GRID1: variants seen among roughly 807,000 people sequenced by gnomAD.
GRID1 encodes glutamate ionotropic receptor delta type subunit 1.
GRID1 carries 28 observed loss-of-function variants against 98.0 expected under a neutral mutation model. The observed-to-expected ratio is 0.29, with a 90% CI of 0.21 to 0.39. The LOEUF is 0.39. Ranked by LOEUF, GRID1 falls within the 10% of genes least tolerant of loss-of-function variation. The pLI is 1.00. For synonymous variants in GRID1, 553 were observed against 538.5 expected (o/e 1.03, Z -0.37); for missense variants, 1,111 against 1,340.5 (o/e 0.83, Z 2.67).
chr10:85,892,205 TA>T (rs758750476), intron 5 of GRID1, among the ~76,000 whole-genome samples: 977 of 83,406 alleles, frequency 0.012, 7 homozygotes, highest in Middle Eastern at 0.039. Context: ...ATCATGGAGA[TA>T]AAAAAAAAAC....
intron 2 of GRID1, among the ~76,000 whole-genome samples, chr10:86,318,919 A>G (rs191500273): frequency 2.0e-5 from 3 of 152,334 alleles, no homozygotes; most frequent in Non-Finnish European, 2.9e-5. Flanking sequence ...CCAGGTGAGA[A>G]GCTCTATGGA....
intron 3 of GRID1, among the ~76,000 whole-genome samples, chr10:86,187,154 A>C (rs923271209): frequency 3.9e-5 from 6 of 152,000 alleles, no homozygotes; most frequent in Non-Finnish European, 1.5e-5. Context: ...CGGGGCTCAG[A>C]CCTCTTTTGC....
chr10:85,693,340 G>C (rs977365836), intron 12 of GRID1, among the ~76,000 whole-genome samples: 1 of 152,114 alleles, frequency 6.6e-6, no homozygotes, highest in Admixed American at 6.5e-5. Flanking sequence ...AGAACATAGA[G>C]ACTTTTTGTA....
chr10:85,768,785 A>T (rs115501786), intron 8 of GRID1, among the ~76,000 whole-genome samples: 2,213 of 152,342 alleles, frequency 0.015, 57 homozygotes, highest in African/African-American at 0.049. Context: ...TGCATTGTTG[A>T]CAGATATAGA....
intron 2 of GRID1, among the ~76,000 whole-genome samples, chr10:86,258,847 G>A (rs757168425): frequency 9.2e-5 from 14 of 152,184 alleles, no homozygotes; most frequent in Non-Finnish European, 1.9e-4. Flanking sequence ...AAAATGCAGG[G>A]AGAACCCAAT....
chr10:86,273,224 C>T (rs1847212765), intron 2 of GRID1, among the ~76,000 whole-genome samples: 1 of 150,610 alleles, frequency 6.6e-6, no homozygotes, highest in Non-Finnish European at 1.5e-5. Flanking sequence ...CATCCATGTC[C>T]CTACAAAGGA....
chr10:86,111,312 T>G (rs1251297190), intron 4 of GRID1, among the ~76,000 whole-genome samples: 1 of 152,084 alleles, frequency 6.6e-6, no homozygotes, highest in African/African-American at 2.4e-5. Context: ...CATGAGAACA[T>G]AGCAAGCATG....
At chr10:85,971,192 A>G (rs1042032989) in intron 4 of GRID1, among the ~76,000 whole-genome samples, 3 of 152,084 alleles carry the variant, frequency 2.0e-5, no homozygotes, top group African/African-American at 7.2e-5. Flanking sequence ...GGAGTCATTC[A>G]GCTTCAGATC....
intron 2 of GRID1, among the ~76,000 whole-genome samples, chr10:86,263,213 C>T (rs1007452948): frequency 6.6e-6 from 1 of 152,254 alleles, no homozygotes; most frequent in African/African-American, 2.4e-5. Context: ...GACATTACAC[C>T]CCCTGCATTT....
chr10:85,947,042 C>T (rs1053115708), intron 4 of GRID1, among the ~76,000 whole-genome samples: 10 of 152,104 alleles, frequency 6.6e-5, no homozygotes, highest in African/African-American at 1.9e-4. Flanking sequence ...CAGGGCAGTC[C>T]CCACCAGCAC....
chr10:86,356,930 A>G (rs953759881), intron 2 of GRID1, among the ~76,000 whole-genome samples: 4 of 152,192 alleles, frequency 2.6e-5, no homozygotes, highest in African/African-American at 9.6e-5. Flanking sequence ...TATGAGGACA[A>G]AGCTAGAGGA....
intron 8 of GRID1, among the ~76,000 whole-genome samples, chr10:85,840,222 A>C (rs1842949701): frequency 6.6e-6 from 1 of 152,158 alleles, no homozygotes; most frequent in Admixed American, 6.6e-5. Context: ...TAAAAAATTG[A>C]GGAGGAGAAG....
intron 12 of GRID1, among the ~76,000 whole-genome samples, chr10:85,700,371 G>A (rs532301831): frequency 1.3e-5 from 2 of 152,300 alleles, no homozygotes; most frequent in African/African-American, 4.8e-5. Context: ...CTATGCTCAT[G>A]ACAACTATGC....
chr10:85,697,113 C>T (rs983162757), intron 12 of GRID1, among the ~76,000 whole-genome samples: 2 of 152,140 alleles, frequency 1.3e-5, no homozygotes, highest in Admixed American at 6.5e-5. Context: ...TGGGGTATAG[C>T]GTTCCATAAA....
chr10:86,206,127 A>C lies in GRID1; in HGVS notation c.520+237T>G, dbSNP rs1846021381. On this transcript the variant is annotated intron_variant, in intron 3 of 15. Transcript: ENST00000327946. This position sits in a 1 kb window ranked among gnomAD's most constrained non-coding sequence, Gnocchi z 4.1. ...ATATTTTATTGAAACCTCTAAGATG[A>C]TTCAAACTTCAGCCGTCATGATAAG... Among the ~76,000 whole-genome samples, 2 of 152,166 alleles carry C rather than the reference A, an allele frequency of 1.3e-5. No individual in the cohort carries two copies. The highest frequency in any genetic ancestry group is 6.5e-5 in the Admixed American group (1 of 15,280).
Position 86,366,521 on chromosome 10 carries a change from TC to T in GRID1, c.-130del. On this transcript the variant is annotated 5_prime_UTR_variant, in exon 1 of 16. Transcript: ENST00000327946. The surrounding 1 kb of genome is among the most constrained non-coding windows in gnomAD (Gnocchi z 4.1). ...GAGAGCCGAGCCCGCCCGTGCGTCT[TC>T]CCCCGCGCGCCCGCCCCTGCGCCCT... 2.3e-6 allele frequency: 1 copy of T among 437,836 alleles called. No individual in the cohort carries two copies. Among genetic ancestry groups the T allele is most frequent in the Non-Finnish European group, 3.5e-6 (1 of 282,384 alleles). The allele number at this position is 437,836 out of a possible 1,614,324, so 27.1% of individuals were successfully genotyped here. A position where few individuals can be genotyped will look rare whatever the true frequency, so the allele number is the denominator to read the frequency against.
chr10:85,827,838 G>A (rs906760596), intron 8 of GRID1, among the ~76,000 whole-genome samples: 3 of 152,058 alleles, frequency 2.0e-5, no homozygotes, highest in Admixed American at 1.3e-4. Context: ...ATAATAATGG[G>A]ATAGATCAAC....
At chr10:85,659,833 C>T (rs1247460394) in intron 12 of GRID1, among the ~76,000 whole-genome samples, 1 of 152,154 alleles carries the variant, frequency 6.6e-6, no homozygotes, top group African/African-American at 2.4e-5. Flanking sequence ...CAGAACCACC[C>T]TCTGTGATAA....
chr10:85,646,422 A>G (rs1333849612), intron 13 of GRID1: 1 of 152,348 alleles, frequency 6.6e-6, no homozygotes, highest in African/African-American at 2.4e-5. Flanking sequence ...ATTGACCTCC[A>G]AGGGCTCTAC....
Sources: gnomAD v4.1 joint callset for allele counts (sites outside exome capture counted in the v4.1 genomes callset) on GRCh38, gnomAD v4.1.1 for gene constraint, Gnocchi (gnomAD v3.1) non-coding constraint, MANE v1.5 for transcripts, NCBI Gene and HGNC (gene_info 2026-07-23, HGNC 2026-07-21) for gene names.